AGTPBP1: variants seen among roughly 807,000 people sequenced by gnomAD.
The protein encoded by AGTPBP1 is ATP/GTP binding carboxypeptidase 1, also known as cytosolic carboxypeptidase 1.
A neutral mutation model predicts 143.9 loss-of-function variants in AGTPBP1; 70 were observed. The ratio of observed to expected loss-of-function variants is 0.49; its 90% CI spans 0.40 to 0.59. The LOEUF (loss-of-function observed/expected upper bound fraction) is 0.59, where lower values mean the gene tolerates loss of function less well. Among genes scored for constraint, AGTPBP1 ranks in the 20% least tolerant of loss-of-function variants. AGTPBP1 has a pLI of 0.00. For synonymous variants in AGTPBP1, 463 were observed against 500.2 expected (o/e 0.93, Z 0.99); for missense variants, 1,229 against 1,464.5 (o/e 0.84, Z 2.62).
intron 23 of AGTPBP1, among the ~76,000 whole-genome samples, chr9:85,582,405 G>A (rs945674611): frequency 3.9e-5 from 6 of 152,130 alleles, no homozygotes; most frequent in South Asian, 2.1e-4. Flanking sequence ...GGCTGGGCGC[G>A]ATGGCTCATA....
the AGTPBP1 span, among the ~76,000 whole-genome samples, chr9:85,801,718 A>C: frequency 6.6e-6 from 1 of 152,218 alleles, no homozygotes; most frequent in African/African-American, 2.4e-5. Flanking sequence ...TTAGCAACAT[A>C]AAACGTAAAA....
chr9:85,615,900 A>T (rs1275113419), intron 17 of AGTPBP1, among the ~76,000 whole-genome samples: 1 of 152,032 alleles, frequency 6.6e-6, no homozygotes, highest in Admixed American at 6.6e-5. Flanking sequence ...ACTGTCTTAC[A>T]AAGAAAGGTT....
the AGTPBP1 span, among the ~76,000 whole-genome samples, chr9:85,763,184 A>G: frequency 1.3e-5 from 2 of 152,024 alleles, no homozygotes; most frequent in African/African-American, 4.8e-5. Context: ...CAAAAAACAA[A>G]CAAAAAAAAA....
intron 14 of AGTPBP1, among the ~76,000 whole-genome samples, chr9:85,631,750 T>C (rs1831691682): frequency 6.6e-6 from 1 of 152,214 alleles, no homozygotes; most frequent in Non-Finnish European, 1.5e-5. Flanking sequence ...TTACACACTA[T>C]ACTTGTAACA....
rs574412197 is a variant in AGTPBP1 at position 85,665,949 on chromosome 9, T to C, written c.662+3536A>G. On this transcript the variant is annotated intron_variant, in intron 8 of 25. Transcript: ENST00000357081. ...ACACTTATAAGCCAGAGTAAATTAATGTTACAAAAGAATTTTAAAATGTTA... is the reference window on the plus strand; with the variant it reads ...ACACTTATAAGCCAGAGTAAATTAACGTTACAAAAGAATTTTAAAATGTTA... Among the ~76,000 whole-genome samples, 19 of 152,272 alleles carry C rather than the reference T, an allele frequency of 1.2e-4. No homozygotes were observed. In the South Asian group the frequency reaches 3.9e-3, roughly 32 times the overall value.
chr9:85,734,293 G>A (rs1385518323), intron 1 of AGTPBP1, among the ~76,000 whole-genome samples: 2 of 151,676 alleles, frequency 1.3e-5, no homozygotes, highest in African/African-American at 4.8e-5. Context: ...GCAAAGCCCT[G>A]AATCTGATGG....
At chr9:85,770,317 A>G in the AGTPBP1 span, 2 of 1,606,492 alleles carry the variant, frequency 1.2e-6, no homozygotes, top group Non-Finnish European at 1.7e-6. Context: ...TGAAGAAGGG[A>G]TTGAAGCTTT....
chr9:85,733,533 C>A (rs1839026053), intron 1 of AGTPBP1, among the ~76,000 whole-genome samples: 1 of 152,048 alleles, frequency 6.6e-6, no homozygotes. Context: ...GATCTCAAAA[C>A]AACCTATCTT....
upstream of AGTPBP1, among the ~76,000 whole-genome samples, chr9:85,743,942 T>G (rs1305031871): frequency 3.0e-5 from 3 of 98,810 alleles, 1 homozygote; most frequent in South Asian, 8.9e-4. Context: ...TTTTTTTTTT[T>G]GAGACAAGAC....
intron 1 of AGTPBP1, among the ~76,000 whole-genome samples, chr9:85,715,586 A>G (rs982817327): frequency 2.6e-5 from 4 of 152,188 alleles, no homozygotes; most frequent in Admixed American, 6.5e-5. Flanking sequence ...AGGAACAGAC[A>G]ACCTCAAAGA....
At chr9:85,583,004 C>T (rs1187836841) in intron 23 of AGTPBP1, among the ~76,000 whole-genome samples, 1 of 151,944 alleles carries the variant, frequency 6.6e-6, no homozygotes, top group African/African-American at 2.4e-5. Flanking sequence ...ATCACAAGGG[C>T]TCTCATAAGG....
At chr9:85,721,538 TC>T (rs1455364046) in intron 1 of AGTPBP1, among the ~76,000 whole-genome samples, 10 of 149,440 alleles carry the variant, frequency 6.7e-5, no homozygotes, top group African/African-American at 2.0e-4. Flanking sequence ...TCTTCCTCCA[TC>T]CCTTTATTTT....
chr9:85,759,842 T>C, the AGTPBP1 span, among the ~76,000 whole-genome samples: 5 of 151,934 alleles, frequency 3.3e-5, no homozygotes, highest in South Asian at 2.1e-4. Flanking sequence ...AGCTGGTTTT[T>C]TGAGATCAAC....
chr9:85,703,363 G>C (rs1836792312), intron 2 of AGTPBP1, among the ~76,000 whole-genome samples: 1 of 152,216 alleles, frequency 6.6e-6, no homozygotes, highest in Non-Finnish European at 1.5e-5. Context: ...GGAATCAAGA[G>C]TAGAGGCAGA....
chr9:85,700,407 G>A (rs576710122), intron 2 of AGTPBP1, among the ~76,000 whole-genome samples: 1 of 152,202 alleles, frequency 6.6e-6, no homozygotes, highest in Admixed American at 6.5e-5. Context: ...GGCAAATGGT[G>A]CACTAGCTCT....
At chr9:85,726,056 C>CAAAAAA (rs948203314) in intron 1 of AGTPBP1, among the ~76,000 whole-genome samples, 1 of 40,804 alleles carries the variant, frequency 2.5e-5, no homozygotes, top group Non-Finnish European at 4.6e-5. Context: ...GACTCCATCT[C>CAAAAAA]AAAAAAAAAA....
intron 1 of AGTPBP1, 107 bp from the exon 2 acceptor site, chr9:85,712,673 A>G (rs544055027): frequency 4.0e-5 from 18 of 453,884 alleles, no homozygotes; most frequent in Non-Finnish European, 6.0e-5. Context: ...GCAACACAAG[A>G]TAACACCGGA....
chr9:85,723,507 A>C (rs1173558642), intron 1 of AGTPBP1, among the ~76,000 whole-genome samples: 1 of 152,216 alleles, frequency 6.6e-6, no homozygotes, highest in Non-Finnish European at 1.5e-5. Flanking sequence ...AGCCAGGCAC[A>C]GGAGGGAATT....
intron 25 of AGTPBP1, among the ~76,000 whole-genome samples, chr9:85,565,130 C>G (rs1398522504): frequency 6.6e-6 from 1 of 152,224 alleles, no homozygotes; most frequent in African/African-American, 2.4e-5. Flanking sequence ...TTCATTATGG[C>G]AGCCTGAGCT....
Sources: gnomAD v4.1 joint callset for allele counts (sites outside exome capture counted in the v4.1 genomes callset) on GRCh38, gnomAD v4.1.1 for gene constraint, MANE v1.5 for transcripts, NCBI Gene and HGNC (gene_info 2026-07-23, HGNC 2026-07-21) for gene names.